OTUD7A: variants seen among roughly 807,000 people sequenced by gnomAD.
The protein encoded by OTUD7A is OTU deubiquitinase 7A.
OTUD7A carries 12 observed loss-of-function variants against 65.7 expected under a neutral mutation model. The ratio of observed to expected loss-of-function variants is 0.18; its 90% CI spans 0.12 to 0.30. The LOEUF (loss-of-function observed/expected upper bound fraction) is 0.30. Ranked by LOEUF, OTUD7A falls within the 10% of genes least tolerant of loss-of-function variation. The pLI is 1.00. For missense variants in OTUD7A, 1,148 were observed against 1,304.8 expected, an observed-to-expected ratio of 0.88 and a Z score of 1.85; for synonymous variants, 641 against 586.3, an observed-to-expected ratio of 1.09 and a Z score of -1.35.
rs190127920 is a variant in OTUD7A at position 31,636,744 on chromosome 15, A to T, written c.151+18352T>A. Among the ~76,000 whole-genome samples the T allele has an allele frequency of 2.1e-3, 323 of 152,304 alleles. 2 individuals carry two copies. Among genetic ancestry groups the T allele is most frequent in the African/African-American group, 7.6e-3 (316 of 41,558 alleles). On this transcript the variant is annotated intron_variant, in intron 3 of 12. Coordinates refer to ENST00000307050, the MANE Select transcript of OTUD7A (RefSeq NM_001382637.1). ...CTACTCCAGTGAATACACAAATGATAAGAAAGTGAAACAGTCTTATTGCCG... is the reference window on the plus strand; with the variant it reads ...CTACTCCAGTGAATACACAAATGATTAGAAAGTGAAACAGTCTTATTGCCG...
intron 12 of OTUD7A, among the ~76,000 whole-genome samples, chr15:31,486,174 G>C (rs968908919): frequency 2.0e-5 from 3 of 152,180 alleles, no homozygotes; most frequent in African/African-American, 7.2e-5. Flanking sequence ...AGAGCCTCCT[G>C]ATTCTACATC....
intron 1 of OTUD7A, among the ~76,000 whole-genome samples, chr15:31,683,758 C>A (rs28583123): frequency 2.0e-5 from 3 of 151,748 alleles, no homozygotes; most frequent in African/African-American, 7.3e-5. Context: ...GGAAACCTAA[C>A]AAAACCGTCT....
Position 31,480,139 on chromosome 15 carries a change from G to A in OTUD7A, c.*3155C>T, listed in dbSNP as rs1297438322. 4 of 152,074 alleles carry A rather than the reference G, an allele frequency of 2.6e-5. No individual in the cohort carries two copies. Among genetic ancestry groups the A allele is most frequent in the African/African-American group, 9.7e-5 (4 of 41,400 alleles). 9.4% of individuals were successfully genotyped at this position (152,074 alleles called of 1,614,324 possible). On this transcript the variant is annotated 3_prime_UTR_variant, in exon 13 of 13. Coordinates refer to ENST00000307050, the MANE Select transcript of OTUD7A (RefSeq NM_001382637.1). ...GTGGCAATAACGGGTGCAAAATATTGCTCTGTGGCATGTTCTGAAAATAAT... is the reference window on the plus strand; with the variant it reads ...GTGGCAATAACGGGTGCAAAATATTACTCTGTGGCATGTTCTGAAAATAAT...
At chr15:31,780,285 A>T (rs976467068) in intron 1 of OTUD7A, among the ~76,000 whole-genome samples, 10 of 151,792 alleles carry the variant, frequency 6.6e-5, no homozygotes, top group Non-Finnish European at 1.5e-4. Context: ...TTTTATTTAC[A>T]TGTATATATG....
intron 1 of OTUD7A, among the ~76,000 whole-genome samples, chr15:31,803,678 G>T (rs1040595008): frequency 1.3e-5 from 2 of 152,208 alleles, no homozygotes; most frequent in South Asian, 4.2e-4. Context: ...GCTGGCTGAG[G>T]TGTGTCACCC....
intron 1 of OTUD7A, among the ~76,000 whole-genome samples, chr15:31,741,224 C>T (rs1166737087): frequency 6.6e-6 from 1 of 152,190 alleles, no homozygotes; most frequent in Non-Finnish European, 1.5e-5. Context: ...AGATTTAACA[C>T]ATACTTCCAA....
At chr15:31,733,800 G>C (rs767670564) in intron 1 of OTUD7A, among the ~76,000 whole-genome samples, 1 of 152,150 alleles carries the variant, frequency 6.6e-6, no homozygotes, top group Non-Finnish European at 1.5e-5. Context: ...TCAAGTCTTA[G>C]CCACATAATG....
chr15:31,805,587 T>C (rs1166337864), intron 1 of OTUD7A, among the ~76,000 whole-genome samples: 1 of 152,214 alleles, frequency 6.6e-6, no homozygotes, highest in Non-Finnish European at 1.5e-5. Flanking sequence ...GAGAGGCATA[T>C]TTGGAACTGA....
At chr15:31,736,160 C>T (rs1056048185) in intron 1 of OTUD7A, among the ~76,000 whole-genome samples, 1 of 152,102 alleles carries the variant, frequency 6.6e-6, no homozygotes, top group Non-Finnish European at 1.5e-5. Context: ...CAAACCCCCA[C>T]AACACAAGTT....
At chr15:31,663,246 A>AACACAC (rs531313199) in intron 1 of OTUD7A, among the ~76,000 whole-genome samples, 16,185 of 140,468 alleles carry the variant, frequency 0.12, 1,144 homozygotes, top group African/African-American at 0.2. Flanking sequence ...TCTTGGGCTA[A>AACACAC]ACACACACAC....
At chr15:31,507,190 T>C (rs1294624354) in intron 8 of OTUD7A, among the ~76,000 whole-genome samples, 1 of 152,178 alleles carries the variant, frequency 6.6e-6, no homozygotes, top group East Asian at 1.9e-4. Flanking sequence ...ATTTTAAAAA[T>C]ATTTAGGGTT....
chr15:31,591,092 C>T (rs1025299372), intron 3 of OTUD7A, among the ~76,000 whole-genome samples: 1 of 151,894 alleles, frequency 6.6e-6, no homozygotes, highest in Non-Finnish European at 1.5e-5. Context: ...TATTTGTGAG[C>T]GAGGAGTGGA....
chr15:31,794,635 A>AC (rs1174981061), intron 1 of OTUD7A, among the ~76,000 whole-genome samples: 3 of 151,500 alleles, frequency 2.0e-5, no homozygotes, highest in Non-Finnish European at 4.4e-5. Context: ...AATAGTGAAA[A>AC]AAAAAAAAAA....
At position 31,644,368 on chromosome 15, in the gene OTUD7A, T is replaced by C. The variant is rs576112794; in HGVS notation, c.151+10728A>G. On this transcript the variant is annotated intron_variant, in intron 3 of 12. Transcript: ENST00000307050. ...TGGTGTGGCCGTGTCCTTGACTTCC[T>C]TGGCTGTGAGATCAAGAACTTTGGA... Among the ~76,000 whole-genome samples the C allele has an allele frequency of 6.2e-3, 946 of 152,174 alleles. 12 individuals are homozygous for C. The highest frequency in any genetic ancestry group is 0.022 in the African/African-American group (901 of 41,508).
chr15:31,582,474 G>C (rs1020548765), intron 3 of OTUD7A, among the ~76,000 whole-genome samples: 3 of 152,154 alleles, frequency 2.0e-5, no homozygotes, highest in African/African-American at 7.2e-5. Flanking sequence ...CCAGAGACTG[G>C]GTAATTTGTA....
At chr15:31,639,014 G>C (rs1466030695) in intron 3 of OTUD7A, among the ~76,000 whole-genome samples, 5 of 152,016 alleles carry the variant, frequency 3.3e-5, no homozygotes, top group Non-Finnish European at 7.4e-5. Context: ...GGTGCCTGTA[G>C]TCGCAGCTAC....
At chr15:31,593,947 A>G (rs1012027844) in intron 3 of OTUD7A, among the ~76,000 whole-genome samples, 12 of 152,270 alleles carry the variant, frequency 7.9e-5, no homozygotes, top group African/African-American at 2.4e-4. Context: ...TTGCAAGTCA[A>G]TCTTCTCACT....
At chr15:31,596,911 G>A (rs1478874520) in intron 3 of OTUD7A, among the ~76,000 whole-genome samples, 1 of 151,876 alleles carries the variant, frequency 6.6e-6, no homozygotes. Flanking sequence ...TTCCCAGTTT[G>A]TGGCTTACCT....
intron 3 of OTUD7A, among the ~76,000 whole-genome samples, chr15:31,597,670 T>A (rs538318232): frequency 6.6e-6 from 1 of 152,266 alleles, no homozygotes; most frequent in Non-Finnish European, 1.5e-5. Flanking sequence ...CCAGCTCTCT[T>A]CTGGAGGACT....
Sources: gnomAD v4.1 joint callset for allele counts (sites outside exome capture counted in the v4.1 genomes callset) on GRCh38, gnomAD v4.1.1 for gene constraint, MANE v1.5 for transcripts, NCBI Gene and HGNC (gene_info 2026-07-23, HGNC 2026-07-21) for gene names.